The following ME3 variants were observed in gnomAD, a reference collection of about 807,000 sequenced individuals.
ME3 encodes malic enzyme 3.
In ME3, 48 loss-of-function variants were observed where a neutral mutation model predicts 68.9. The observed-to-expected ratio is 0.70, with a 90% CI of 0.55 to 0.89. The LOEUF (loss-of-function observed/expected upper bound fraction) is 0.89. ME3 is among the 40% of genes least tolerant of loss of function. The probability of loss-of-function intolerance (pLI) is 0.00; values close to 1 mark genes in which losing one functional copy is unlikely to be tolerated. For missense variants in ME3, 675 were observed against 797.4 expected, an observed-to-expected ratio of 0.85 and a Z score of 1.85; for synonymous variants, 320 against 318.8, an observed-to-expected ratio of 1.00 and a Z score of -0.04.
At chr11:86,455,645 T>A (rs1594027574) in intron 8 of ME3, among the ~76,000 whole-genome samples, 3 of 152,364 alleles carry the variant, frequency 2.0e-5, no homozygotes, top group African/African-American at 7.2e-5. Flanking sequence ...TTTCCCCTGC[T>A]ATTCTACCTA....
At chr11:86,453,949 A>C (rs917536462) in intron 8 of ME3, among the ~76,000 whole-genome samples, 1 of 152,196 alleles carries the variant, frequency 6.6e-6, no homozygotes, top group Non-Finnish European at 1.5e-5. Flanking sequence ...TTGGCTTTTG[A>C]ATTCTTTAAT....
chr11:86,535,133 G>T (rs624870), intron 4 of ME3, among the ~76,000 whole-genome samples: 13,523 of 152,134 alleles, frequency 0.089, 814 homozygotes, highest in East Asian at 0.26. Flanking sequence ...ACCTGTATTT[G>T]TCCTGCTATT....
At chr11:86,644,183 ACT>A (rs1476962858) in intron 2 of ME3, among the ~76,000 whole-genome samples, 5 of 151,798 alleles carry the variant, frequency 3.3e-5, no homozygotes, top group African/African-American at 1.2e-4. Context: ...CTACCTTCTA[ACT>A]CTATTTCTAA....
chr11:86,628,541 C>G (rs1408450987), intron 2 of ME3, among the ~76,000 whole-genome samples: 1 of 152,194 alleles, frequency 6.6e-6, no homozygotes, highest in Non-Finnish European at 1.5e-5. Context: ...TTAAATTTCT[C>G]AAATGACTGT....
chr11:86,660,762 G>T (rs1049721337), intron 2 of ME3, among the ~76,000 whole-genome samples: 1 of 152,172 alleles, frequency 6.6e-6, no homozygotes, highest in Non-Finnish European at 1.5e-5. Context: ...CCACGGATGA[G>T]AATTGATAAT....
intron 4 of ME3, among the ~76,000 whole-genome samples, chr11:86,527,532 G>C (rs553199750): frequency 2.0e-5 from 3 of 152,234 alleles, no homozygotes; most frequent in African/African-American, 7.2e-5. Context: ...CTTGAGAAGA[G>C]CAACTCCAAG....
intron 2 of ME3, among the ~76,000 whole-genome samples, chr11:86,565,146 C>T (rs1331246660): frequency 1.3e-5 from 2 of 152,130 alleles, no homozygotes; most frequent in African/African-American, 4.8e-5. Context: ...ATATGATACA[C>T]TGTACCACTT....
intron 14 of ME3, among the ~76,000 whole-genome samples, chr11:86,441,807 G>A (rs1264511397): frequency 6.6e-6 from 1 of 151,860 alleles, no homozygotes; most frequent in African/African-American, 2.4e-5. Context: ...TAGACAAGAG[G>A]CAAATGTGTC....
At chr11:86,477,349 TTAAAA>T (rs1293871598) in intron 7 of ME3, among the ~76,000 whole-genome samples, 8 of 41,298 alleles carry the variant, frequency 1.9e-4, no homozygotes, top group African/African-American at 3.9e-4. Context: ...TCTTCATCTC[TTAAAA>T]TAAAGTGAAT....
intron 8 of ME3, among the ~76,000 whole-genome samples, chr11:86,451,082 T>A (rs1315267712): frequency 6.6e-6 from 1 of 152,222 alleles, no homozygotes; most frequent in Non-Finnish European, 1.5e-5. Flanking sequence ...ACTAGAAGTG[T>A]AAGGTGGCAG....
At chr11:86,462,625 A>G in intron 8 of ME3, 3 of 1,285,772 alleles carry the variant, frequency 2.3e-6, no homozygotes, top group South Asian at 2.5e-5. Flanking sequence ...TCATTCATAT[A>G]TTCTTTAAAC....
At position 86,467,976 on chromosome 11, in the gene ME3, C is replaced by G. The variant is rs986683911; in HGVS notation, c.810-2776G>C. ...TGGATTCATAGTTCCTAGAACTCAC[C>G]GGATTTAAGGAACCCCAGAACTCCT... On this transcript the variant is annotated intron_variant, in intron 7 of 14. Coordinates refer to ENST00000543262, the Ensembl canonical transcript of ME3. Among the ~76,000 whole-genome samples the G allele has an allele frequency of 2.0e-5, 3 of 152,180 alleles. No homozygotes were observed. The South Asian group carries it at 6.2e-4, about 32-fold the overall frequency.
intron 4 of ME3, among the ~76,000 whole-genome samples, chr11:86,553,003 C>T (rs1002875395): frequency 3.9e-5 from 6 of 152,164 alleles, no homozygotes; most frequent in East Asian, 1.9e-4. Context: ...AGTTCTGTCT[C>T]GGCCTCCACC....
chr11:86,508,012 A>G (rs114025077), intron 5 of ME3, among the ~76,000 whole-genome samples: 1,812 of 151,976 alleles, frequency 0.012, 48 homozygotes, highest in African/African-American at 0.041. Context: ...TTTGCATTCT[A>G]TAACGTATAT....
intron 2 of ME3, among the ~76,000 whole-genome samples, chr11:86,566,964 T>C (rs1352591061): frequency 6.6e-6 from 1 of 152,000 alleles, no homozygotes; most frequent in Non-Finnish European, 1.5e-5. Context: ...ATACCTGTAA[T>C]CCCAGCACTT....
intron 10 of ME3, among the ~76,000 whole-genome samples, chr11:86,448,834 G>A (rs957254947): frequency 6.6e-6 from 1 of 152,212 alleles, no homozygotes; most frequent in Non-Finnish European, 1.5e-5. Flanking sequence ...GGGTTCAGAT[G>A]CTTTTGATGA....
intron 2 of ME3, among the ~76,000 whole-genome samples, chr11:86,613,144 G>A (rs982741878): frequency 2.8e-4 from 43 of 152,248 alleles, no homozygotes; most frequent in African/African-American, 1.0e-3. Context: ...AGTTTTCCCA[G>A]CACCGTTTAC....
chr11:86,475,874 T>TATATATATATATATAGAGAGAGAGAGAG, intron 7 of ME3, among the ~76,000 whole-genome samples: 5 of 91,476 alleles, frequency 5.5e-5, no homozygotes, highest in African/African-American at 1.5e-4. Flanking sequence ...TATATATATA[T>TATATATATATATATAGAGAGAGAGAGAG]AGAGAGAGAG....
At chr11:86,671,673 A>C in intron 2 of ME3, 89 bp downstream of exon 2, 2 of 1,498,942 alleles carry the variant, frequency 1.3e-6, no homozygotes, top group Non-Finnish European at 1.8e-6. Flanking sequence ...GGCGCCCGGG[A>C]GGATCCTTTC....
Sources: gnomAD v4.1 joint callset for allele counts (sites outside exome capture counted in the v4.1 genomes callset) on GRCh38, gnomAD v4.1.1 for gene constraint, MANE v1.5 for transcripts, NCBI Gene and HGNC (gene_info 2026-07-23, HGNC 2026-07-21) for gene names.